The following TBC1D8B variants were observed in gnomAD, a reference collection of about 807,000 sequenced individuals.
The protein encoded by TBC1D8B is TBC1 domain family member 8B.
In TBC1D8B, 75 loss-of-function variants were observed where a neutral mutation model predicts 82.9. That is an observed-to-expected ratio of 0.90 (90% confidence interval 0.75 to 1.10). TBC1D8B has a LOEUF of 1.10. TBC1D8B is among the 50% of genes least tolerant of loss of function. The pLI is 0.00. For synonymous variants in TBC1D8B, 276 were observed against 276.8 expected, an observed-to-expected ratio of 1.00 and a Z score of 0.03; for missense variants, 794 against 796.9, an observed-to-expected ratio of 1.00 and a Z score of 0.04.
intron 1 of TBC1D8B, chrX:106,814,849 G>C (rs1241697644): frequency 8.9e-6 from 1 of 111,833 alleles, no homozygotes; most frequent in Non-Finnish European, 1.9e-5. Flanking sequence ...GTCTTCTTTT[G>C]AGAAGTGTCT....
At chrX:106,859,848 T>C (rs1006638692) in intron 14 of TBC1D8B, among the ~76,000 whole-genome samples, 2 of 112,050 alleles carry the variant, frequency 1.8e-5, no homozygotes, top group African/African-American at 3.2e-5. Context: ...ATGGCTCTTA[T>C]TATTTTGAGA....
intron 10 of TBC1D8B, among the ~76,000 whole-genome samples, chrX:106,845,464 A>C (rs1433772608): frequency 1.8e-5 from 1 of 55,704 alleles, no homozygotes; most frequent in Non-Finnish European, 3.1e-5. Context: ...CCCACCCCAC[A>C]ACAGTCCCCA....
At chrX:106,848,044 C>G in intron 10 of TBC1D8B, 142 bp from the exon 11 acceptor site, 1 of 351,793 alleles carries the variant, frequency 2.8e-6, no homozygotes. Context: ...TGGACTGGCT[C>G]AGAGTTCTCA....
chrX:106,825,178 AACAT>A (rs1289647649), intron 5 of TBC1D8B, among the ~76,000 whole-genome samples: 1 of 111,797 alleles, frequency 8.9e-6, no homozygotes, highest in Non-Finnish European at 1.9e-5. Flanking sequence ...GGTAAAAATT[AACAT>A]GGTTGTGTTT....
intron 1 of TBC1D8B, among the ~76,000 whole-genome samples, chrX:106,810,027 G>A (rs1156782228): frequency 1.8e-5 from 2 of 111,828 alleles, no homozygotes; most frequent in Non-Finnish European, 3.8e-5. Flanking sequence ...TGTTCTGTTG[G>A]CTTAGAAATC....
At chrX:106,816,372 T>G (rs1771594344) in intron 1 of TBC1D8B, among the ~76,000 whole-genome samples, 1 of 111,811 alleles carries the variant, frequency 8.9e-6, no homozygotes, top group East Asian at 2.8e-4. Context: ...ACTATCTGCA[T>G]ATTTTGGCTC....
intron 1 of TBC1D8B, chrX:106,814,946 G>T (rs1192002072): frequency 9.0e-6 from 1 of 111,144 alleles, no homozygotes; most frequent in Non-Finnish European, 1.9e-5. Context: ...CTGGATATTA[G>T]CCCTTTGTCA....
intron 16 of TBC1D8B, 151 bp downstream of exon 16, chrX:106,866,184 A>T: frequency 1.7e-6 from 1 of 584,520 alleles, no homozygotes; most frequent in South Asian, 3.9e-5. Context: ...TTGTTGCTAA[A>T]TCTAAGTATT....
In TBC1D8B at chrX:106,827,355, A is replaced by G. The variant is rs768283105; in HGVS notation, c.1203+18A>G. 5.0e-6 allele frequency: 6 copies of G among 1,204,630 alleles called. No individual in the cohort carries two copies. The African/African-American group carries it at 5.3e-5, about 11-fold the overall frequency. On this transcript the variant is annotated intron_variant, in intron 7 of 20. Coordinates refer to ENST00000357242, the MANE Select transcript of TBC1D8B (RefSeq NM_017752.3). ...GCACAGAGGTAATTAATTATACAGCAATCAAATCATTTGGAAAAAAAGGTG... is the reference window on the plus strand; with the variant it reads ...GCACAGAGGTAATTAATTATACAGCGATCAAATCATTTGGAAAAAAAGGTG...
chrX:106,830,058 T>C (rs1473048229), intron 7 of TBC1D8B: 1 of 111,805 alleles, frequency 8.9e-6, no homozygotes, highest in Non-Finnish European at 1.9e-5. Context: ...GACAAAGGGC[T>C]AATATCCAGA....
chrX:106,867,297 C>T (rs1932821086), intron 17 of TBC1D8B, among the ~76,000 whole-genome samples: 1 of 111,892 alleles, frequency 8.9e-6, no homozygotes, highest in South Asian at 3.7e-4. Context: ...ACAATAAACG[C>T]TATCATTTAT....
At chrX:106,824,099 T>C (rs2147734499) in intron 5 of TBC1D8B, among the ~76,000 whole-genome samples, 1 of 111,758 alleles carries the variant, frequency 8.9e-6, no homozygotes, top group African/African-American at 3.2e-5. Flanking sequence ...ATGTGTCTGA[T>C]AGCTGTTTGC....
intron 10 of TBC1D8B, among the ~76,000 whole-genome samples, chrX:106,847,880 A>G (rs1224154978): frequency 9.0e-6 from 1 of 111,602 alleles, no homozygotes; most frequent in East Asian, 2.8e-4. Flanking sequence ...CTTTTTTCAG[A>G]TTAGTGATAA....
At chrX:106,819,298 A>G (rs1400604123) in intron 2 of TBC1D8B, among the ~76,000 whole-genome samples, 3 of 111,230 alleles carry the variant, frequency 2.7e-5, no homozygotes, top group South Asian at 7.5e-4. Context: ...ATATTCATTC[A>G]TGCCAGGGTG....
chrX:106,843,895 G>C (rs939283625), intron 10 of TBC1D8B, among the ~76,000 whole-genome samples: 8 of 111,338 alleles, frequency 7.2e-5, no homozygotes, highest in Non-Finnish European at 1.1e-4. Context: ...CTCATCCAAA[G>C]ATGTTTTATA....
chrX:106,859,971 T>G (rs1215495583), intron 14 of TBC1D8B, among the ~76,000 whole-genome samples: 3 of 111,898 alleles, frequency 2.7e-5, no homozygotes, highest in African/African-American at 6.5e-5. Flanking sequence ...TTGTTTTAGT[T>G]CGTTTTTGTG....
intron 1 of TBC1D8B, among the ~76,000 whole-genome samples, chrX:106,810,383 T>C (rs1931330797): frequency 8.9e-6 from 1 of 111,941 alleles, no homozygotes; most frequent in African/African-American, 3.3e-5. Context: ...ATATTCTAGA[T>C]TCATTTACGT....
intron 20 of TBC1D8B, among the ~76,000 whole-genome samples, chrX:106,872,582 GCAGC>G (rs1217271728): frequency 9.4e-6 from 1 of 106,617 alleles, no homozygotes; most frequent in East Asian, 2.9e-4. Flanking sequence ...AGGTCAAAGT[GCAGC>G]CTAATTTATG....
intron 5 of TBC1D8B, among the ~76,000 whole-genome samples, chrX:106,825,525 A>G (rs890120649): frequency 3.6e-5 from 4 of 111,855 alleles, no homozygotes; most frequent in Non-Finnish European, 7.5e-5. Context: ...ATTTTTTAAA[A>G]CATTCATTTA....
Sources: allele counts gnomAD v4.1 joint callset (sites outside exome capture counted in the v4.1 genomes callset), GRCh38; gene constraint gnomAD v4.1.1; transcripts MANE v1.5; gene names NCBI Gene and HGNC (gene_info 2026-07-23, HGNC 2026-07-21).